PRKG2: variants seen among roughly 807,000 people sequenced by gnomAD.
PRKG2 encodes the protein cGMP-dependent protein kinase 2.
In PRKG2, 33 loss-of-function variants were observed where a neutral mutation model predicts 97.2. The observed-to-expected ratio is 0.34, with a 90% CI of 0.26 to 0.45. The LOEUF (loss-of-function observed/expected upper bound fraction) is 0.45. Ranked by LOEUF, PRKG2 falls within the 20% of genes least tolerant of loss-of-function variation. The pLI, the probability that PRKG2 is intolerant of heterozygous loss-of-function variation, is 1.00. For missense variants in PRKG2, 638 were observed against 900.0 expected, an observed-to-expected ratio of 0.71 and a Z score of 3.73; for synonymous variants, 330 against 321.8, an observed-to-expected ratio of 1.03 and a Z score of -0.27.
At chr4:81,170,426 C>T (rs1383810968) in intron 4 of PRKG2, among the ~76,000 whole-genome samples, 9 of 151,914 alleles carry the variant, frequency 5.9e-5, no homozygotes, top group African/African-American at 1.9e-4. Context: ...TGTGGTTGTA[C>T]AATTTTTTAA....
At chr4:81,207,564 G>T (rs1201284637) in intron 1 of PRKG2, among the ~76,000 whole-genome samples, 1 of 152,064 alleles carries the variant, frequency 6.6e-6, no homozygotes, top group Non-Finnish European at 1.5e-5. Flanking sequence ...AATCATTTTT[G>T]CTCTATGGAT....
intron 17 of PRKG2, among the ~76,000 whole-genome samples, chr4:81,099,844 T>TGA (rs1742536422): frequency 1.3e-5 from 2 of 152,194 alleles, no homozygotes; most frequent in Admixed American, 1.3e-4. Flanking sequence ...CTCCTTAAGC[T>TGA]CATAGGCAAC....
chr4:81,204,960 C>T lies in PRKG2; in HGVS notation c.88G>A (p.Val30Met), dbSNP rs771410076. The T allele has an allele frequency of 6.2e-7, 1 of 1,614,146 alleles. No individual in the cohort carries two copies. Among genetic ancestry groups the T allele is most frequent in the South Asian group, 1.1e-5 (1 of 91,084 alleles). Residue 30 changes from valine to methionine, a missense_variant, in exon 2 of 19, where the codon GTG becomes ATG. Around this residue, in one of 3 missense-constraint regions of PRKG2, gnomAD observed 332 missense variants for 421.7 expected, o/e 0.79. Coordinates refer to ENST00000264399, the MANE Select transcript of PRKG2 (RefSeq NM_006259.3). The part of the protein sequence containing the change: ...NLTTDALRNK[V>M]TELERELRRK... ...CTCAACTCTCTCTCCAGCTCTGTCA[C>T]CTTGTTCCGCAGAGCATCAGTGGTG...
At chr4:81,141,578 G>A (rs1396753349) in intron 11 of PRKG2, among the ~76,000 whole-genome samples, 1 of 152,022 alleles carries the variant, frequency 6.6e-6, no homozygotes, top group Non-Finnish European at 1.5e-5. Context: ...ATAATTTTTT[G>A]ATAGATTTAA....
chr4:81,211,691 G>C (rs1578533806), intron 1 of PRKG2, among the ~76,000 whole-genome samples: 1 of 152,130 alleles, frequency 6.6e-6, no homozygotes, highest in East Asian at 1.9e-4. Flanking sequence ...TTAAAGCTCA[G>C]AGTCCCAACA....
At chr4:81,211,615 T>C (rs911036547) in intron 1 of PRKG2, among the ~76,000 whole-genome samples, 4 of 152,206 alleles carry the variant, frequency 2.6e-5, no homozygotes, top group Middle Eastern at 3.4e-3. Context: ...TAAAAAGAGC[T>C]TAGAGGAAGT....
intron 3 of PRKG2, among the ~76,000 whole-genome samples, chr4:81,174,483 T>C (rs890579435): frequency 1.3e-5 from 2 of 152,146 alleles, no homozygotes; most frequent in South Asian, 2.1e-4. Flanking sequence ...CTCTGAGACA[T>C]AGTCCATGTT....
At chr4:81,134,734 C>T (rs1486144639) in intron 14 of PRKG2, among the ~76,000 whole-genome samples, 1 of 151,956 alleles carries the variant, frequency 6.6e-6, no homozygotes, top group Non-Finnish European at 1.5e-5. Context: ...TTCAAGAAAA[C>T]TACTAAAGTC....
rs535888010 is a variant in PRKG2 at position 81,177,298 on chromosome 4, A to C, written c.462-2339T>G. Among the ~76,000 whole-genome samples the C allele has an allele frequency of 2.7e-3, 412 of 152,334 alleles. 1 individual carries two copies. The highest frequency in any genetic ancestry group is 0.019 in the South Asian group (94 of 4,826). On this transcript the variant is annotated intron_variant, in intron 2 of 18. Transcript: ENST00000264399. ...GACCCATGGCCTCAAAAAGTTTCCA[A>C]ACTTTTATAACTTGGTGTATAGACA...
chr4:81,196,242 T>C (rs1752953765), intron 2 of PRKG2, among the ~76,000 whole-genome samples: 1 of 152,192 alleles, frequency 6.6e-6, no homozygotes, highest in South Asian at 2.1e-4. Flanking sequence ...GACCTCTTCC[T>C]GTAGAAAGCT....
chr4:81,193,748 G>T (rs1752758807), intron 2 of PRKG2, among the ~76,000 whole-genome samples: 1 of 152,142 alleles, frequency 6.6e-6, no homozygotes, highest in South Asian at 2.1e-4. Flanking sequence ...GCAGAGGCAG[G>T]AGAATCGCTT....
At chr4:81,153,470 T>C (rs1035890091) in intron 7 of PRKG2, 174 bp downstream of exon 7, 9 of 541,732 alleles carry the variant, frequency 1.7e-5, no homozygotes, top group Admixed American at 6.5e-5. Context: ...GGGGGTCCTG[T>C]GGCCTCCACT....
At chr4:81,213,309 G>T (rs1754103816) in intron 1 of PRKG2, among the ~76,000 whole-genome samples, 1 of 152,126 alleles carries the variant, frequency 6.6e-6, no homozygotes, top group Non-Finnish European at 1.5e-5. Context: ...TGAACATATA[G>T]GTAATATCTG....
At chr4:81,121,649 C>A (rs1745081258) in intron 14 of PRKG2, among the ~76,000 whole-genome samples, 1 of 152,120 alleles carries the variant, frequency 6.6e-6, no homozygotes, top group African/African-American at 2.4e-5. Flanking sequence ...TATGTAGAAT[C>A]CATATCCATG....
At chr4:81,191,102 T>C (rs1285588347) in intron 2 of PRKG2, among the ~76,000 whole-genome samples, 1 of 147,476 alleles carries the variant, frequency 6.8e-6, no homozygotes, top group Non-Finnish European at 1.5e-5. Flanking sequence ...CACAGGATTA[T>C]AAATCATTCT....
At chr4:81,137,301 T>C (rs1746807142) in intron 13 of PRKG2, 92 bp downstream of exon 13, 5 of 951,258 alleles carry the variant, frequency 5.3e-6, no homozygotes, top group Non-Finnish European at 8.3e-6. Flanking sequence ...TATTTTGTTA[T>C]AATAATTTCC....
intron 6 of PRKG2, among the ~76,000 whole-genome samples, chr4:81,165,749 A>G (rs2110077256): frequency 6.6e-6 from 1 of 152,202 alleles, no homozygotes; most frequent in East Asian, 1.9e-4. Context: ...GTTAATTATT[A>G]CTGGATTTGA....
intron 6 of PRKG2, 90 bp downstream of exon 6, chr4:81,167,071 G>A: frequency 2.1e-6 from 2 of 955,832 alleles, no homozygotes; most frequent in South Asian, 3.4e-5. Flanking sequence ...CTGGTGCTCT[G>A]ACATCTTTTT....
At chr4:81,174,280 T>A (rs773410593) in intron 3 of PRKG2, among the ~76,000 whole-genome samples, 27 of 152,104 alleles carry the variant, frequency 1.8e-4, no homozygotes, top group Non-Finnish European at 3.7e-4. Context: ...AACCAAAACA[T>A]CTTCCAGAAC....
Sources: allele counts gnomAD v4.1 joint callset (sites outside exome capture counted in the v4.1 genomes callset), GRCh38; gene constraint gnomAD v4.1.1; regional missense constraint gnomAD v4.1.1; transcripts MANE v1.5; gene names NCBI Gene and HGNC (gene_info 2026-07-23, HGNC 2026-07-21).